Variants in SHANK2 observed in about 807,000 individuals in gnomAD.
SHANK2 encodes SH3 and multiple ankyrin repeat domains protein 2.
A neutral mutation model predicts 133.7 loss-of-function variants in SHANK2; 43 were observed. The ratio of observed to expected loss-of-function variants is 0.32; its 90% CI spans 0.25 to 0.41. The LOEUF (loss-of-function observed/expected upper bound fraction) is 0.41. Ranked by LOEUF, SHANK2 falls within the 10% of genes least tolerant of loss-of-function variation. The pLI is 1.00. For missense variants in SHANK2, 1,994 were observed against 2,235.8 expected, an observed-to-expected ratio of 0.89 and a Z score of 2.18; for synonymous variants, 1,017 against 952.8, an observed-to-expected ratio of 1.07 and a Z score of -1.24.
At chr11:70,766,626 A>G (rs782726642) in intron 14 of SHANK2, among the ~76,000 whole-genome samples, 1 of 152,232 alleles carries the variant, frequency 6.6e-6, no homozygotes, top group Non-Finnish European at 1.5e-5. Context: ...TTAATCAAAC[A>G]ATAGAGCAGT....
In SHANK2 at chr11:70,902,665, T is replaced by G. The variant is rs545079555; in HGVS notation, c.1108-6098A>C. Among the ~76,000 whole-genome samples, 6 of 152,308 alleles carry G rather than the reference T, an allele frequency of 3.9e-5. No homozygotes were observed. In the South Asian group the frequency reaches 1.2e-3, roughly 32 times the overall value. On this transcript the variant is annotated intron_variant, in intron 10 of 25. Coordinates refer to ENST00000601538, the MANE Select transcript of SHANK2 (RefSeq NM_012309.5). ...GTGATGAGGGCACCACAGGATTTTT[T>G]TTGTGGGAATCACCCCCAGTTGTAA...
chr11:70,754,662 G>A (rs1946827232), intron 14 of SHANK2, among the ~76,000 whole-genome samples: 1 of 152,306 alleles, frequency 6.6e-6, no homozygotes, highest in African/African-American at 2.4e-5. Flanking sequence ...AGCGGTAGGA[G>A]GAGGTGGAAA....
intron 17 of SHANK2, among the ~76,000 whole-genome samples, chr11:70,552,497 ACT>A: frequency 6.6e-6 from 1 of 152,056 alleles, no homozygotes; most frequent in African/African-American, 2.4e-5. Flanking sequence ...CAAGCGATTA[ACT>A]CTGCAAGGGG....
chr11:70,880,126 A>G (rs782645453), intron 11 of SHANK2, among the ~76,000 whole-genome samples: 20 of 152,192 alleles, frequency 1.3e-4, no homozygotes, highest in Non-Finnish European at 2.1e-4. Context: ...AGGCACCCCA[A>G]TGTCTATCCC....
Position 70,733,050 on chromosome 11 carries a change from G to A in SHANK2, c.1778-34287C>T, listed in dbSNP as rs192967600. Among the ~76,000 whole-genome samples, 5 of 152,380 alleles carry A rather than the reference G, an allele frequency of 3.3e-5. No individual in the cohort carries two copies. In the East Asian group the frequency reaches 7.7e-4, roughly 24 times the overall value. ...CAGTGGCGAGGGCACAGGCTGGGCGGGGTGGGAGAGACAGACGCGGAGCAG... is the reference window on the plus strand; with the variant it reads ...CAGTGGCGAGGGCACAGGCTGGGCGAGGTGGGAGAGACAGACGCGGAGCAG... On this transcript the variant is annotated intron_variant, in intron 14 of 25. Transcript: ENST00000601538.
intron 17 of SHANK2, among the ~76,000 whole-genome samples, chr11:70,596,779 G>T (rs1554989674): frequency 6.6e-6 from 1 of 152,116 alleles, no homozygotes; most frequent in African/African-American, 2.4e-5. Context: ...GTACACTCAG[G>T]GGCTGTCTGG....
At chr11:70,908,299 C>T (rs1481883899) in intron 10 of SHANK2, among the ~76,000 whole-genome samples, 1 of 152,168 alleles carries the variant, frequency 6.6e-6, no homozygotes, top group Non-Finnish European at 1.5e-5. Flanking sequence ...GATGGCCTCA[C>T]ATGGGCCTCG....
At chr11:70,787,211 A>T (rs1290417506) in intron 14 of SHANK2, among the ~76,000 whole-genome samples, 1 of 148,814 alleles carries the variant, frequency 6.7e-6, no homozygotes, top group African/African-American at 2.5e-5. Flanking sequence ...CATCATCACC[A>T]TGACCACCAC....
At chr11:71,231,317 T>A (rs1954737745) in intron 1 of SHANK2, among the ~76,000 whole-genome samples, 1 of 152,170 alleles carries the variant, frequency 6.6e-6, no homozygotes, top group Non-Finnish European at 1.5e-5. Context: ...ATGAAAGATG[T>A]TCAACACACC....
intron 3 of SHANK2, among the ~76,000 whole-genome samples, chr11:71,132,686 G>C (rs1345964691): frequency 1.3e-5 from 2 of 152,156 alleles, no homozygotes; most frequent in Non-Finnish European, 2.9e-5. Flanking sequence ...TTTAAATGAC[G>C]TGTAAGAAAA....
At chr11:70,612,273 T>C (rs1357949655) in intron 17 of SHANK2, among the ~76,000 whole-genome samples, 3 of 152,112 alleles carry the variant, frequency 2.0e-5, no homozygotes, top group African/African-American at 7.2e-5. Flanking sequence ...AGGGCTGGGC[T>C]GATCAGGGAA....
Position 70,475,718 on chromosome 11 carries a change from A to G in SHANK2, c.4980-2279T>C, listed in dbSNP as rs568815711. On this transcript the variant is annotated intron_variant, in intron 25 of 25. Coordinates refer to ENST00000601538, the MANE Select transcript of SHANK2 (RefSeq NM_012309.5). ...GGTGCACTGCTGGGCCAGGGACCCC[A>G]TCCACCCATAGGGTGTTCACGTGCT... Among the ~76,000 whole-genome samples, 33 of 152,318 alleles carry G rather than the reference A, an allele frequency of 2.2e-4. No homozygotes were observed. In the East Asian group the frequency reaches 6.4e-3, roughly 29 times the overall value.
intron 17 of SHANK2, among the ~76,000 whole-genome samples, chr11:70,644,371 C>T (rs115477414): frequency 1.3e-5 from 2 of 152,270 alleles, no homozygotes; most frequent in African/African-American, 2.4e-5. Flanking sequence ...CTTTCTGTCT[C>T]TATGAATGTG....
At position 70,473,224 on chromosome 11, in the gene SHANK2, G is replaced by T. The variant is rs782076049; in HGVS notation, c.5195C>A (p.Ser1732Tyr). ...LPAPLSAATA[S>Y]PSPALSDVFS... Reference sequence around the variant, plus strand: ...GACATCTGAGAGAGCGGGAGAAGGAGAGGCGGTGGCAGCAGACAGGGGGGC... The same window carrying T: ...GACATCTGAGAGAGCGGGAGAAGGATAGGCGGTGGCAGCAGACAGGGGGGC... Residue 1732 changes from serine to tyrosine, a missense_variant, in exon 26 of 26, where the codon TCT (serine) becomes TAT (tyrosine). By Grantham distance (144) the Ser-to-Tyr change is moderately radical. Around this residue, in one of 5 missense-constraint regions of SHANK2, gnomAD observed 797 missense variants for 907.4 expected, o/e 0.88. Coordinates refer to ENST00000601538, the MANE Select transcript of SHANK2 (RefSeq NM_012309.5). The surrounding 1 kb of genome is among the most constrained non-coding windows in gnomAD (Gnocchi z 5.9). 1.2e-6 allele frequency: 2 copies of T among 1,610,594 alleles called. No individual in the cohort carries two copies. Among genetic ancestry groups the T allele is most frequent in the African/African-American group, 2.7e-5 (2 of 74,840 alleles).
At chr11:71,160,728 G>C (rs1952995934) in intron 2 of SHANK2, among the ~76,000 whole-genome samples, 1 of 152,190 alleles carries the variant, frequency 6.6e-6, no homozygotes, top group South Asian at 2.1e-4. Context: ...ACATAACAGA[G>C]TTGATGGGGA....
chr11:70,743,647 G>A (rs1360107432), intron 14 of SHANK2, among the ~76,000 whole-genome samples: 3 of 152,120 alleles, frequency 2.0e-5, no homozygotes, highest in African/African-American at 7.2e-5. Context: ...TCTATAGAGC[G>A]ACGACAGCAG....
At chr11:70,800,914 T>A (rs1948030612) in intron 13 of SHANK2, among the ~76,000 whole-genome samples, 1 of 152,202 alleles carries the variant, frequency 6.6e-6, no homozygotes. Flanking sequence ...TCTGCTGTTT[T>A]ATATGGGCCT....
chr11:71,080,583 C>T (rs1951285907), intron 8 of SHANK2, among the ~76,000 whole-genome samples: 1 of 152,156 alleles, frequency 6.6e-6, no homozygotes, highest in African/African-American at 2.4e-5. Context: ...CTGCTTGGCT[C>T]TGTGCCCCAA....
At chr11:70,547,612 C>G (rs1263841194) in intron 17 of SHANK2, among the ~76,000 whole-genome samples, 1 of 152,180 alleles carries the variant, frequency 6.6e-6, no homozygotes, top group African/African-American at 2.4e-5. Context: ...CAGCACAGAG[C>G]AGGTGCCTGT....
Sources: gnomAD v4.1 joint callset for allele counts (sites outside exome capture counted in the v4.1 genomes callset) on GRCh38, gnomAD v4.1.1 for gene constraint, gnomAD v4.1.1 regional missense constraint, Gnocchi (gnomAD v3.1) non-coding constraint, MANE v1.5 for transcripts, NCBI Gene and HGNC (gene_info 2026-07-23, HGNC 2026-07-21) for gene names.